Variants in ZZEF1 observed in about 807,000 individuals in gnomAD.
The protein encoded by ZZEF1 is zinc finger ZZ-type and EF-hand domain-containing protein 1.
In ZZEF1, 157 loss-of-function variants were observed where a neutral mutation model predicts 342.8. The ratio of observed to expected loss-of-function variants is 0.46; its 90% CI spans 0.40 to 0.52. ZZEF1 has a LOEUF of 0.52. Among genes scored for constraint, ZZEF1 ranks in the 20% least tolerant of loss-of-function variants. The probability of loss-of-function intolerance (pLI) is 0.00; values close to 1 mark genes in which losing one functional copy is unlikely to be tolerated. For missense variants in ZZEF1, 3,480 were observed against 3,725.6 expected, an observed-to-expected ratio of 0.93 and a Z score of 1.72; for synonymous variants, 1,505 against 1,429.1, an observed-to-expected ratio of 1.05 and a Z score of -1.20.
At chr17:4,088,187 T>G (rs1477189908) in intron 13 of ZZEF1, among the ~76,000 whole-genome samples, 1 of 152,170 alleles carries the variant, frequency 6.6e-6, no homozygotes, top group Non-Finnish European at 1.5e-5. Context: ...AATCTTCCTT[T>G]GAGTGAGTTG....
chr17:4,056,105 A>C, intron 33 of ZZEF1, 111 bp downstream of exon 33: 1 of 1,233,612 alleles, frequency 8.1e-7, no homozygotes, highest in East Asian at 2.8e-5. Flanking sequence ...AGGGTATTGA[A>C]TGCCACCTGC....
intron 37 of ZZEF1, among the ~76,000 whole-genome samples, chr17:4,044,997 T>C (rs1321967613): frequency 6.6e-6 from 1 of 151,668 alleles, no homozygotes; most frequent in Non-Finnish European, 1.5e-5. Flanking sequence ...CTACTAAAAA[T>C]ACAAAAATTA....
chr17:4,102,215 TGAA>T, intron 9 of ZZEF1, 99 bp downstream of exon 9: 2 of 1,017,996 alleles, frequency 2.0e-6, no homozygotes, highest in Non-Finnish European at 3.0e-6. Flanking sequence ...AACCTAAAAT[TGAA>T]GACTGCACGC....
At chr17:4,096,028 T>G (rs1422538546) in intron 10 of ZZEF1, 49 bp from the exon 11 acceptor site, 1 of 1,543,410 alleles carries the variant, frequency 6.5e-7, no homozygotes, top group Non-Finnish European at 8.8e-7. Flanking sequence ...AAAAGTTCTG[T>G]GGCCGTTTTG....
chr17:4,058,134 G>C lies in ZZEF1; in HGVS notation c.5025C>G (p.Ser1675=). The change falls in exon 32 of 55, where the codon TCC becomes TCG. Residue 1675 remains serine (S), a synonymous_variant. Transcript: ENST00000381638. ...LNDRSLLPAL[S]CVQTALLHLL... ...GATGAAGCAGGGCTGTCTGAACACA[G>C]GATAAGGCAGGGAGCAAGGACCTAA... 6.2e-7 allele frequency: 1 copy of C among 1,613,624 alleles called. No individual in the cohort carries two copies. Among genetic ancestry groups the C allele is most frequent in the East Asian group, 2.2e-5 (1 of 44,864 alleles).
At position 4,123,982 on chromosome 17, in the gene ZZEF1, T is replaced by A; in HGVS notation, c.424A>T (p.Asn142Tyr). Residue 142 changes from asparagine (N) to tyrosine (Y), a missense_variant, in exon 2 of 55, where the codon AAT becomes TAT. Transcript: ENST00000381638. ...CCCTGAAGATTAGCTCCACTGGAAT[T>A]CTTGAGGGCCTCCAACATGTTCTCG... ...DAENMLEALKNSSGANLQGEL... is the reference protein window; with the variant it reads ...DAENMLEALKYSSGANLQGEL... 1.2e-6 allele frequency: 2 copies of A among 1,614,062 alleles called. No individual in the cohort carries two copies. Among genetic ancestry groups the A allele is most frequent in the Non-Finnish European group, 1.7e-6 (2 of 1,180,008 alleles).
intron 39 of ZZEF1, among the ~76,000 whole-genome samples, chr17:4,041,553 CCTCT>C (rs1567786486): frequency 6.6e-6 from 1 of 152,154 alleles, no homozygotes; most frequent in Non-Finnish European, 1.5e-5. Context: ...GTCTCTGATT[CCTCT>C]CTGTTTACTA....
chr17:4,093,790 C>T (rs537127688), intron 11 of ZZEF1, among the ~76,000 whole-genome samples: 1 of 148,326 alleles, frequency 6.7e-6, no homozygotes, highest in South Asian at 2.1e-4. Flanking sequence ...GTTTCAGCTC[C>T]TTGAGTATTT....
intron 11 of ZZEF1, among the ~76,000 whole-genome samples, chr17:4,091,546 G>A (rs1194294485): frequency 6.6e-6 from 1 of 152,068 alleles, no homozygotes; most frequent in Non-Finnish European, 1.5e-5. Context: ...GGAGGTTGAG[G>A]TGGATGGATC....
chr17:4,031,921 A>C (rs2056557382), intron 42 of ZZEF1, among the ~76,000 whole-genome samples: 1 of 152,184 alleles, frequency 6.6e-6, no homozygotes. Flanking sequence ...ATACACAAAA[A>C]GACAGCATGG....
At chr17:4,047,609 C>A (rs992187345) in intron 37 of ZZEF1, among the ~76,000 whole-genome samples, 2 of 151,070 alleles carry the variant, frequency 1.3e-5, no homozygotes, top group African/African-American at 4.9e-5. Flanking sequence ...TACCACTGCA[C>A]TCCAGCCTGG....
rs750427072 is a variant in ZZEF1 at position 4,064,644 on chromosome 17, C to T, written c.4435G>A (p.Ala1479Thr). 9 of 1,614,170 alleles carry T rather than the reference C, an allele frequency of 5.6e-6. No homozygotes were observed. Among genetic ancestry groups the T allele is most frequent in the South Asian group, 1.1e-5 (1 of 91,086 alleles). The change falls in exon 29 of 55, where the codon GCC becomes ACC. Residue 1479 changes from alanine (A) to threonine (T), a missense_variant. Physicochemically the swap from Ala to Thr is moderately conservative, Grantham distance 58 (BLOSUM62 0). Around this residue, in one of 5 missense-constraint regions of ZZEF1, gnomAD observed 1,528 missense variants for 1,624.1 expected, o/e 0.94. Transcript: ENST00000381638. The part of the protein sequence containing the change: ...HFQASVSPTE[A>T]APPATGDQSP... Reference sequence around the variant, plus strand: ...TGGTCTCCTGTGGCAGGGGGTGCGGCTTCAGTGGGAGATACTGAGGCTTGG... The same window carrying T: ...TGGTCTCCTGTGGCAGGGGGTGCGGTTTCAGTGGGAGATACTGAGGCTTGG...
Position 4,049,575 on chromosome 17 carries a change from T to C in ZZEF1, c.6015+133A>G, listed in dbSNP as rs1038553020. 9.0e-6 allele frequency: 9 copies of C among 1,001,016 alleles called. No individual in the cohort carries two copies. In the East Asian group the frequency reaches 9.8e-5, roughly 11 times the overall value. 62.0% of individuals were successfully genotyped at this position (1,001,016 alleles called of 1,614,324 possible). On this transcript the variant is annotated intron_variant, in intron 37 of 54. Coordinates refer to ENST00000381638, the MANE Select transcript of ZZEF1 (RefSeq NM_015113.4). ...TGATAACAACATGCCCAAGGTTTGA[T>C]GGAGCAGGCATGTGAATCCAGCAGT...
intron 3 of ZZEF1, 93 bp downstream of exon 3, chr17:4,116,879 T>C (rs1469461818): frequency 1.5e-5 from 20 of 1,309,098 alleles, no homozygotes; most frequent in Non-Finnish European, 1.7e-5. Flanking sequence ...TTTTCAGAAA[T>C]GAAGGCAGGG....
chr17:4,085,529 T>C (rs140701125), intron 16 of ZZEF1, 141 bp downstream of exon 16: 5 of 978,556 alleles, frequency 5.1e-6, no homozygotes, highest in African/African-American at 1.6e-5. Context: ...CTTAGATATC[T>C]GTCCCACACA....
intron 25 of ZZEF1, 52 bp from the exon 26 acceptor site, chr17:4,070,976 A>G: frequency 6.3e-7 from 1 of 1,580,872 alleles, no homozygotes; most frequent in Non-Finnish European, 8.6e-7. Context: ...TCAAAAAATA[A>G]AATTTATTGA....
At chr17:4,127,664 T>G (rs1357373359) in intron 1 of ZZEF1, among the ~76,000 whole-genome samples, 1 of 152,060 alleles carries the variant, frequency 6.6e-6, no homozygotes, top group East Asian at 1.9e-4. Flanking sequence ...GTATGGCGTG[T>G]GGACTAGAAA....
chr17:4,116,720 T>C (rs1383256028), intron 3 of ZZEF1, among the ~76,000 whole-genome samples: 1 of 151,846 alleles, frequency 6.6e-6, no homozygotes, highest in East Asian at 1.9e-4. Context: ...GAAGGTGGGG[T>C]AGGGGAGGTG....
intron 12 of ZZEF1, among the ~76,000 whole-genome samples, chr17:4,089,110 G>C (rs1279774436): frequency 1.3e-5 from 2 of 152,164 alleles, no homozygotes; most frequent in Non-Finnish European, 2.9e-5. Flanking sequence ...GGTTTGGGTA[G>C]ATTACAGTAA....
Sources: gnomAD v4.1 joint callset for allele counts (sites outside exome capture counted in the v4.1 genomes callset) on GRCh38, gnomAD v4.1.1 for gene constraint, gnomAD v4.1.1 regional missense constraint, MANE v1.5 for transcripts, NCBI Gene and HGNC (gene_info 2026-07-23, HGNC 2026-07-21) for gene names.